The following HEPACAM2 variants were observed in gnomAD, a reference collection of about 807,000 sequenced individuals.
The protein encoded by HEPACAM2 is HEPACAM family member 2.
In HEPACAM2, 49 loss-of-function variants were observed where a neutral mutation model predicts 49.6. The ratio of observed to expected loss-of-function variants is 0.99; its 90% CI spans 0.78 to 1.25. The LOEUF (loss-of-function observed/expected upper bound fraction) is 1.25. Among genes scored for constraint, HEPACAM2 ranks in the 50% most tolerant of loss-of-function variants. The pLI, the probability that HEPACAM2 is intolerant of heterozygous loss-of-function variation, is 0.00. For synonymous variants in HEPACAM2, 197 were observed against 202.9 expected, an observed-to-expected ratio of 0.97 and a Z score of 0.25; for missense variants, 525 against 557.2, an observed-to-expected ratio of 0.94 and a Z score of 0.58.
intron 4 of HEPACAM2, among the ~76,000 whole-genome samples, chr7:93,204,324 CTCTATCTATCTATCTATCTA>C (rs67856013): frequency 1.6e-4 from 23 of 147,656 alleles, no homozygotes; most frequent in South Asian, 4.4e-4. Context: ...CATAAACATT[CTCTATCTATCTATCTATCTA>C]TCTATCTATC....
At chr7:93,221,302 G>C (rs1267147130) in intron 1 of HEPACAM2, among the ~76,000 whole-genome samples, 1 of 152,058 alleles carries the variant, frequency 6.6e-6, no homozygotes, top group Non-Finnish European at 1.5e-5. Flanking sequence ...CATCCTCTTT[G>C]ATCGCTTCCA....
chr7:93,226,334 A>C (rs1374539863), intron 1 of HEPACAM2, 34 bp downstream of exon 1: 1 of 1,515,178 alleles, frequency 6.6e-7, no homozygotes, highest in African/African-American at 1.4e-5. Context: ...AAAACCTAAC[A>C]AACAGCTAAA....
chr7:93,218,014 C>G (rs1794352097), intron 2 of HEPACAM2, among the ~76,000 whole-genome samples: 1 of 151,648 alleles, frequency 6.6e-6, no homozygotes, highest in Non-Finnish European at 1.5e-5. Flanking sequence ...GGGGAGCATG[C>G]TAGTATCTTG....
At chr7:93,195,118 G>A (rs558629325) in intron 8 of HEPACAM2, among the ~76,000 whole-genome samples, 1 of 151,960 alleles carries the variant, frequency 6.6e-6, no homozygotes, top group East Asian at 1.9e-4. Context: ...AGATATGAGG[G>A]GGCAATAAAG....
At chr7:93,210,644 A>G (rs1794155838) in intron 3 of HEPACAM2, among the ~76,000 whole-genome samples, 2 of 151,946 alleles carry the variant, frequency 1.3e-5, no homozygotes, top group Admixed American at 1.3e-4. Flanking sequence ...GAGGTATGAG[A>G]CATTCATATT....
At chr7:93,199,789 T>C (rs1002526847) in intron 4 of HEPACAM2, among the ~76,000 whole-genome samples, 9 of 152,110 alleles carry the variant, frequency 5.9e-5, no homozygotes, top group African/African-American at 1.4e-4. Flanking sequence ...ACTATTTTTT[T>C]CCCTCATTTC....
At chr7:93,201,143 A>T (rs1045157207) in intron 4 of HEPACAM2, among the ~76,000 whole-genome samples, 3 of 152,142 alleles carry the variant, frequency 2.0e-5, no homozygotes, top group African/African-American at 7.2e-5. Context: ...AATGATGTTG[A>T]AATGAAATAA....
chr7:93,208,782 A>G lies in HEPACAM2; in HGVS notation c.810T>C (p.Cys270=). The G allele has an allele frequency of 6.2e-7, 1 of 1,613,168 alleles. No individual in the cohort carries two copies. Among genetic ancestry groups the G allele is most frequent in the Non-Finnish European group, 8.5e-7 (1 of 1,179,418 alleles). The stretch of plus-strand genomic sequence containing the variant: ...TGTTGGGGGGATGAGAATCAGCAGA[A>G]CAATCAAATAGGATGGCCTCTCCAA... ...VDLGEAILFD[C]SADSHPPNTY... The change falls in exon 4 of 10, where the codon TGT becomes TGC. Residue 270 remains cysteine (C), a synonymous_variant. Coordinates refer to ENST00000394468, the MANE Select transcript of HEPACAM2 (RefSeq NM_001039372.4).
At chr7:93,211,992 A>G (rs1794189155) in intron 3 of HEPACAM2, among the ~76,000 whole-genome samples, 1 of 152,068 alleles carries the variant, frequency 6.6e-6, no homozygotes, top group African/African-American at 2.4e-5. Context: ...CTCCTTTTCA[A>G]GCATGCTGAC....
chr7:93,229,057 C>T (rs954108283), upstream of HEPACAM2, among the ~76,000 whole-genome samples: 5 of 152,140 alleles, frequency 3.3e-5, no homozygotes, highest in South Asian at 2.1e-4. Flanking sequence ...AGCTAGCACA[C>T]GCATGTTTTG....
rs776819387 is a variant in HEPACAM2 at position 93,219,156 on chromosome 7, G to A, written c.375C>T (p.Asn125=). The A allele has an allele frequency of 6.2e-7, 1 of 1,613,940 alleles. No individual in the cohort carries two copies. The highest frequency in any genetic ancestry group is 1.1e-5 in the South Asian group (1 of 91,078). The stretch of plus-strand genomic sequence containing the variant: ...CAGATAGAGTTCCATTTCCCTGAAT[G>A]TTGACCTTCACGATGTAATTGCCTT... The part of the protein sequence containing the change: ...PDEGNYIVKV[N]IQGNGTLSAS... Residue 125 remains asparagine (N), a synonymous_variant, in exon 2 of 10, where the codon AAC becomes AAT. Coordinates refer to ENST00000394468, the MANE Select transcript of HEPACAM2 (RefSeq NM_001039372.4).
chr7:93,214,642 C>G (rs991867752), intron 3 of HEPACAM2, among the ~76,000 whole-genome samples: 2 of 152,096 alleles, frequency 1.3e-5, no homozygotes, highest in Admixed American at 1.3e-4. Flanking sequence ...GAGCCTAAAG[C>G]ATAATATTTA....
At chr7:93,215,301 C>A (rs940964811) in intron 3 of HEPACAM2, 100 bp downstream of exon 3, 3 of 1,130,544 alleles carry the variant, frequency 2.7e-6, no homozygotes, top group African/African-American at 3.2e-5. Flanking sequence ...TGGTAAAAAG[C>A]CAAATGACAT....
intron 1 of HEPACAM2, among the ~76,000 whole-genome samples, chr7:93,223,183 CCTT>C (rs1235387232): frequency 6.6e-6 from 1 of 152,124 alleles, no homozygotes; most frequent in African/African-American, 2.4e-5. Context: ...TTGCAAAAGT[CCTT>C]CTCTGCTTTT....
intron 7 of HEPACAM2, 73 bp downstream of exon 7, chr7:93,197,168 T>C: frequency 3.1e-6 from 3 of 973,644 alleles, no homozygotes; most frequent in Non-Finnish European, 4.2e-6. Context: ...ACATTAATAA[T>C]ATATAATAAT....
rs984937942 is a variant in HEPACAM2 at position 93,195,779 on chromosome 7, G to A, written c.1275+49C>T. ...TAAACAAATGCTTTTTACACCTCTG[G>A]TGAAGCAGAATTCTACTTCTCGGTT... is the stretch of plus-strand genomic sequence containing the variant. On this transcript the variant is annotated intron_variant, in intron 8 of 9. Transcript: ENST00000394468. 4 of 1,423,158 alleles carry A rather than the reference G, an allele frequency of 2.8e-6. No individual in the cohort carries two copies. In the Admixed American group the frequency reaches 6.8e-5, roughly 24 times the overall value. The allele number at this position is 1,423,158 out of a possible 1,614,324, so 88.2% of individuals were successfully genotyped here. A position where few individuals can be genotyped will look rare whatever the true frequency, so the allele number is the denominator to read the frequency against.
chr7:93,226,898 AAC>A (rs1304538796), upstream of HEPACAM2, among the ~76,000 whole-genome samples: 4 of 152,194 alleles, frequency 2.6e-5, no homozygotes, highest in South Asian at 2.1e-4. Context: ...GTATCTGCTA[AAC>A]AGTTATAAAT....
At chr7:93,227,600 G>A (rs1794563082), upstream of HEPACAM2, among the ~76,000 whole-genome samples, 1 of 152,124 alleles carries the variant, frequency 6.6e-6, no homozygotes, top group Non-Finnish European at 1.5e-5. Flanking sequence ...GAAAGTAAGT[G>A]ACTATTGGGA....
At chr7:93,219,743 T>C (rs1794408233) in intron 1 of HEPACAM2, among the ~76,000 whole-genome samples, 1 of 152,144 alleles carries the variant, frequency 6.6e-6, no homozygotes, top group Non-Finnish European at 1.5e-5. Flanking sequence ...ACTAAGAAAG[T>C]TTACTACTTC....
Sources: gnomAD v4.1 joint callset for allele counts (sites outside exome capture counted in the v4.1 genomes callset) on GRCh38, gnomAD v4.1.1 for gene constraint, MANE v1.5 for transcripts, NCBI Gene and HGNC (gene_info 2026-07-23, HGNC 2026-07-21) for gene names.